Variants in LRCH1 observed in about 807,000 individuals in gnomAD.
LRCH1 encodes leucine-rich repeat and calponin homology domain-containing protein 1.
In LRCH1, 23 loss-of-function variants were observed where a neutral mutation model predicts 94.9. The observed-to-expected ratio is 0.24, with a 90% CI of 0.17 to 0.34. The LOEUF (loss-of-function observed/expected upper bound fraction) is 0.34, where lower values mean the gene tolerates loss of function less well. Ranked by LOEUF, LRCH1 falls within the 10% of genes least tolerant of loss-of-function variation. The probability of loss-of-function intolerance (pLI) is 1.00; values close to 1 mark genes in which losing one functional copy is unlikely to be tolerated. For missense variants in LRCH1, 790 were observed against 945.9 expected (o/e 0.84, Z 2.16); for synonymous variants, 364 against 354.9 (o/e 1.03, Z -0.29).
At chr13:46,667,553 G>A (rs1278579392) in intron 2 of LRCH1, among the ~76,000 whole-genome samples, 2 of 150,434 alleles carry the variant, frequency 1.3e-5, no homozygotes, top group African/African-American at 4.9e-5. Context: ...GGGAGGGATA[G>A]CATTAGGAGA....
intron 15 of LRCH1, among the ~76,000 whole-genome samples, chr13:46,714,207 C>G (rs1298493372): frequency 6.6e-6 from 1 of 152,126 alleles, no homozygotes; most frequent in Admixed American, 6.5e-5. Flanking sequence ...TGCTGACTAA[C>G]CAATGTGGAA....
In LRCH1 at chr13:46,553,250, G is replaced by T; in HGVS notation, c.-147G>T. On this transcript the variant is annotated 5_prime_UTR_variant, in exon 1 of 20. Coordinates refer to ENST00000389797, the MANE Select transcript of LRCH1 (RefSeq NM_001164211.2). ...CCTCCCCGCCCGCCCCCCATTCTAC[G>T]CGCCTGCCCACACCCTCCTCCCCTC... 1 of 293,016 alleles carries T rather than the reference G, an allele frequency of 3.4e-6. No individual in the cohort carries two copies. Among genetic ancestry groups the T allele is most frequent in the South Asian group, 2.9e-5 (1 of 34,310 alleles). The allele number at this position is 293,016 out of a possible 1,614,324, so 18.2% of individuals were successfully genotyped here.
chr13:46,750,754 C>G, exon 19 of LRCH1: 11 of 702,588 alleles, frequency 1.6e-5, no homozygotes, highest in Middle Eastern at 2.4e-4. Context: ...CTGCCTGTCA[C>G]TTCACTGACT....
At chr13:46,703,026 C>G (rs1871563388) in intron 11 of LRCH1, among the ~76,000 whole-genome samples, 1 of 152,066 alleles carries the variant, frequency 6.6e-6, no homozygotes, top group African/African-American at 2.4e-5. Flanking sequence ...GTTAATTCTC[C>G]CTTATGTTTG....
chr13:46,604,834 T>C (rs2050670313), intron 1 of LRCH1, among the ~76,000 whole-genome samples: 2 of 152,308 alleles, frequency 1.3e-5, no homozygotes, highest in South Asian at 2.1e-4. Context: ...ATGATGACAC[T>C]GACATTATCA....
chr13:46,680,157 A>G lies in LRCH1; in HGVS notation c.580-1584A>G, dbSNP rs139003796. 18 of 152,348 alleles carry G rather than the reference A, an allele frequency of 1.2e-4. No homozygotes were observed. In the East Asian group the frequency reaches 3.3e-3, roughly 28 times the overall value. 9.4% of individuals were successfully genotyped at this position (152,348 alleles called of 1,614,324 possible). A position where few individuals can be genotyped will look rare whatever the true frequency, so the allele number is the denominator to read the frequency against. On this transcript the variant is annotated intron_variant, in intron 3 of 19. Transcript: ENST00000389797. ...TTGTATCTTTAGTTCTGTGATGCCA[A>G]GTGGGACCTGCATGGGATTTGGTAT...
intron 1 of LRCH1, among the ~76,000 whole-genome samples, chr13:46,567,534 G>GTGTGTGT (rs2050198193): frequency 6.7e-6 from 1 of 150,234 alleles, no homozygotes; most frequent in African/African-American, 2.5e-5. Context: ...GTGTTTTCCT[G>GTGTGTGT]GTGTTTTAGA....
At chr13:46,564,556 G>A (rs1410439088) in intron 1 of LRCH1, among the ~76,000 whole-genome samples, 1 of 152,208 alleles carries the variant, frequency 6.6e-6, no homozygotes, top group Non-Finnish European at 1.5e-5. Flanking sequence ...TCAGCGGCTG[G>A]GAAACAAGGG....
intron 1 of LRCH1, among the ~76,000 whole-genome samples, chr13:46,592,663 C>T (rs1475455845): frequency 6.6e-6 from 1 of 152,132 alleles, no homozygotes; most frequent in Non-Finnish European, 1.5e-5. Context: ...CTTAGTGTTA[C>T]CCACTTCATA....
At chr13:46,574,663 A>G (rs189776175) in intron 1 of LRCH1, among the ~76,000 whole-genome samples, 177 of 152,342 alleles carry the variant, frequency 1.2e-3, no homozygotes, top group African/African-American at 3.9e-3. Flanking sequence ...CCCTCTCTTC[A>G]AACATACAAA....
chr13:46,640,457 C>T (rs1394530911), intron 1 of LRCH1, among the ~76,000 whole-genome samples: 1 of 152,188 alleles, frequency 6.6e-6, no homozygotes, highest in Admixed American at 6.5e-5. Flanking sequence ...CTCAAGCTGT[C>T]TGACATGAGG....
At chr13:46,683,465 A>G (rs573197155) in intron 4 of LRCH1, among the ~76,000 whole-genome samples, 1 of 152,216 alleles carries the variant, frequency 6.6e-6, no homozygotes, top group Non-Finnish European at 1.5e-5. Flanking sequence ...TTTTTTGGAT[A>G]TACAAAACTT....
intron 2 of LRCH1, among the ~76,000 whole-genome samples, chr13:46,663,286 A>G (rs2051472476): frequency 6.6e-6 from 1 of 152,238 alleles, no homozygotes; most frequent in Non-Finnish European, 1.5e-5. Flanking sequence ...GCTTTATAGC[A>G]TAAAATTACA....
intron 1 of LRCH1, among the ~76,000 whole-genome samples, chr13:46,636,550 G>A (rs764342354): frequency 3.3e-5 from 5 of 152,088 alleles, no homozygotes; most frequent in Non-Finnish European, 7.4e-5. Flanking sequence ...TTCTATCTCT[G>A]TAAATTTGAC....
chr13:46,558,315 A>G (rs888312150), intron 1 of LRCH1, among the ~76,000 whole-genome samples: 2 of 152,138 alleles, frequency 1.3e-5, no homozygotes, highest in African/African-American at 4.8e-5. Flanking sequence ...TTTCATGAGG[A>G]TGCTTAGGAA....
chr13:46,678,404 C>T (rs2051705324), intron 3 of LRCH1, among the ~76,000 whole-genome samples: 1 of 152,164 alleles, frequency 6.6e-6, no homozygotes, highest in South Asian at 2.1e-4. Flanking sequence ...GAGTTTTGCA[C>T]TATTTCTACA....
intron 1 of LRCH1, among the ~76,000 whole-genome samples, chr13:46,623,910 G>A (rs534080857): frequency 1.5e-5 from 2 of 129,274 alleles, no homozygotes; most frequent in South Asian, 4.8e-4. Flanking sequence ...TAGAGACAGA[G>A]TCTCACTCTG....
intron 1 of LRCH1, among the ~76,000 whole-genome samples, chr13:46,570,090 C>T (rs139609671): frequency 1.3e-5 from 2 of 152,252 alleles, no homozygotes; most frequent in East Asian, 3.9e-4. Context: ...ATTGTGTTCT[C>T]CACTTTATGT....
intron 1 of LRCH1, among the ~76,000 whole-genome samples, chr13:46,557,502 G>A (rs2061459707): frequency 1.1e-5 from 1 of 89,010 alleles, no homozygotes; most frequent in African/African-American, 2.7e-5. Flanking sequence ...GACCCCAGGA[G>A]TTTGAGAACG....
Sources: allele counts gnomAD v4.1 joint callset (sites outside exome capture counted in the v4.1 genomes callset), GRCh38; gene constraint gnomAD v4.1.1; transcripts MANE v1.5; gene names NCBI Gene and HGNC (gene_info 2026-07-23, HGNC 2026-07-21).